MARCHF4: variants seen among roughly 807,000 people sequenced by gnomAD.
MARCHF4 encodes the protein membrane associated ring-CH-type finger 4.
A neutral mutation model predicts 43.9 loss-of-function variants in MARCHF4; 14 were observed. The ratio of observed to expected loss-of-function variants is 0.32; its 90% CI spans 0.21 to 0.50. The LOEUF (loss-of-function observed/expected upper bound fraction) is 0.50, where lower values mean the gene tolerates loss of function less well. Among genes scored for constraint, MARCHF4 ranks in the 20% least tolerant of loss-of-function variants. The pLI is 0.98. For missense variants in MARCHF4, 468 were observed against 536.7 expected, an observed-to-expected ratio of 0.87 and a Z score of 1.27; for synonymous variants, 226 against 213.3, an observed-to-expected ratio of 1.06 and a Z score of -0.52.
chr2:216,268,812 G>A (rs1559281747), intron 3 of MARCHF4, among the ~76,000 whole-genome samples: 2 of 152,194 alleles, frequency 1.3e-5, no homozygotes, highest in East Asian at 3.9e-4. Flanking sequence ...GTCATTTCTA[G>A]CTAGGAGGAG....
At chr2:216,298,825 G>A (rs1691437643) in intron 1 of MARCHF4, among the ~76,000 whole-genome samples, 1 of 152,078 alleles carries the variant, frequency 6.6e-6, no homozygotes, top group African/African-American at 2.4e-5. Flanking sequence ...AATTCTCATG[G>A]TGATCCATGA....
chr2:216,369,159 T>C (rs748238828), intron 1 of MARCHF4, among the ~76,000 whole-genome samples: 4 of 152,210 alleles, frequency 2.6e-5, no homozygotes, highest in Admixed American at 6.5e-5. Context: ...CAGCAAATCA[T>C]ATAGTCTTGG....
intron 1 of MARCHF4, among the ~76,000 whole-genome samples, chr2:216,322,576 C>T (rs1691915726): frequency 6.6e-6 from 1 of 152,240 alleles, no homozygotes; most frequent in Non-Finnish European, 1.5e-5. Context: ...AATCTCAACA[C>T]TTTGGGAGGC....
chr2:216,372,447 G>A lies in MARCHF4; in HGVS notation c.-2187C>T, dbSNP rs1312109027. On this transcript the variant is annotated 5_prime_UTR_variant, in exon 1 of 4. Coordinates refer to ENST00000273067, the MANE Select transcript of MARCHF4 (RefSeq NM_020814.3). ...GGGAAAGGGGATGAGAGGAAAAGAA[G>A]CTGGAGGGAGAGGGAGCAAGAGGAG... is the stretch of plus-strand genomic sequence containing the variant. 1.3e-5 allele frequency among the ~76,000 whole-genome samples: 2 copies of A among 152,122 alleles called. No individual in the cohort carries two copies.
chr2:216,364,153 G>T (rs1379170244), intron 1 of MARCHF4, among the ~76,000 whole-genome samples: 1 of 152,102 alleles, frequency 6.6e-6, no homozygotes, highest in African/African-American at 2.4e-5. Flanking sequence ...CGAAGGTACT[G>T]CCCTGTGGAC....
At chr2:216,361,835 T>G (rs887636174) in intron 1 of MARCHF4, among the ~76,000 whole-genome samples, 7 of 152,344 alleles carry the variant, frequency 4.6e-5, no homozygotes, top group Middle Eastern at 3.4e-3. Flanking sequence ...CAGTGTGATC[T>G]GAGGGCTCCA....
At chr2:216,336,841 T>A (rs1198648614) in intron 1 of MARCHF4, among the ~76,000 whole-genome samples, 1 of 149,566 alleles carries the variant, frequency 6.7e-6, no homozygotes, top group Non-Finnish European at 1.5e-5. Flanking sequence ...GACCAACAAT[T>A]CTGCTTCAAA....
intron 1 of MARCHF4, among the ~76,000 whole-genome samples, chr2:216,346,037 A>G (rs1692314905): frequency 6.6e-6 from 1 of 152,168 alleles, no homozygotes; most frequent in Admixed American, 6.5e-5. Context: ...GCAAGCAGAC[A>G]CTCAGTATTT....
chr2:216,286,687 G>T lies in MARCHF4; in HGVS notation c.517-2958C>A, dbSNP rs181943024. 2.0e-3 allele frequency among the ~76,000 whole-genome samples: 309 copies of T among 152,308 alleles called. 6 individuals carry two copies. Among genetic ancestry groups the T allele is most frequent in the Non-Finnish European group, 2.6e-3 (178 of 68,020 alleles). On this transcript the variant is annotated intron_variant, in intron 1 of 3. Transcript: ENST00000273067. ...TAACTCTTGCATTCAGGCAAATTTTGTAGGTTATGATTTAGTGTATTTCTA... is the reference window on the plus strand; with the variant it reads ...TAACTCTTGCATTCAGGCAAATTTTTTAGGTTATGATTTAGTGTATTTCTA...
intron 3 of MARCHF4, among the ~76,000 whole-genome samples, chr2:216,263,841 G>C (rs554360239): frequency 1.2e-4 from 18 of 152,138 alleles, no homozygotes; most frequent in Non-Finnish European, 2.6e-4. Flanking sequence ...TGAAGTGCAG[G>C]GGGGCACGGT....
At chr2:216,340,332 A>C (rs896738259) in intron 1 of MARCHF4, among the ~76,000 whole-genome samples, 3 of 152,154 alleles carry the variant, frequency 2.0e-5, no homozygotes, top group African/African-American at 2.4e-5. Flanking sequence ...GGGTGACACA[A>C]GAATATAAAC....
chr2:216,334,789 C>T (rs552631692), intron 1 of MARCHF4, among the ~76,000 whole-genome samples: 1 of 152,352 alleles, frequency 6.6e-6, no homozygotes, highest in African/African-American at 2.4e-5. Context: ...GAAAATAGGA[C>T]TTTCATAAGA....
chr2:216,324,509 C>A (rs1281408229), intron 1 of MARCHF4, among the ~76,000 whole-genome samples: 1 of 151,730 alleles, frequency 6.6e-6, no homozygotes, highest in Admixed American at 6.6e-5. Flanking sequence ...AGAGACACAA[C>A]CAAAAAAGAG....
At chr2:216,353,929 A>T (rs559561309) in intron 1 of MARCHF4, among the ~76,000 whole-genome samples, 8 of 152,318 alleles carry the variant, frequency 5.3e-5, no homozygotes, top group African/African-American at 1.9e-4. Flanking sequence ...GTGGCTGTGC[A>T]TGTGTTGGAA....
At chr2:216,366,499 A>ATC (rs141356254) in intron 1 of MARCHF4, among the ~76,000 whole-genome samples, 44 of 150,708 alleles carry the variant, frequency 2.9e-4, no homozygotes, top group African/African-American at 4.4e-4. Flanking sequence ...GTTCACATCT[A>ATC]TCTCTCTCTC....
chr2:216,286,431 C>T (rs572132032), intron 1 of MARCHF4, among the ~76,000 whole-genome samples: 13 of 151,418 alleles, frequency 8.6e-5, no homozygotes, highest in African/African-American at 2.7e-4. Context: ...GCCAGCTACT[C>T]GGGAGGCTGA....
intron 1 of MARCHF4, 140 bp downstream of exon 1, chr2:216,369,605 A>C: frequency 1.5e-6 from 1 of 663,808 alleles, no homozygotes; most frequent in Non-Finnish European, 2.5e-6. Flanking sequence ...CTTAACCACA[A>C]GAAACATCAA....
At chr2:216,277,503 CT>C (rs1691045201) in intron 3 of MARCHF4, among the ~76,000 whole-genome samples, 168 bp downstream of exon 3, 1 of 152,296 alleles carries the variant, frequency 6.6e-6, no homozygotes, top group East Asian at 1.9e-4. Context: ...CCTCCTCCCC[CT>C]TCCCATCCAC....
intron 2 of MARCHF4, among the ~76,000 whole-genome samples, chr2:216,281,007 G>A (rs976650916): frequency 2.0e-5 from 3 of 151,228 alleles, no homozygotes; most frequent in African/African-American, 4.9e-5. Flanking sequence ...CTGGAGGGTC[G>A]CTGAGATGAT....
Sources: allele counts gnomAD v4.1 joint callset (sites outside exome capture counted in the v4.1 genomes callset), GRCh38; gene constraint gnomAD v4.1.1; transcripts MANE v1.5; gene names NCBI Gene and HGNC (gene_info 2026-07-23, HGNC 2026-07-21).